VPS37C: variants seen among roughly 807,000 people sequenced by gnomAD.
VPS37C encodes vacuolar protein sorting-associated protein 37C.
Under a neutral mutation model 16.1 loss-of-function variants are expected in VPS37C, and 9 were observed. The observed-to-expected ratio is 0.56, with a 90% CI of 0.34 to 0.97. The LOEUF is 0.97. VPS37C is among the 50% of genes least tolerant of loss of function. The probability of loss-of-function intolerance (pLI) is 0.02; values close to 1 mark genes in which losing one functional copy is unlikely to be tolerated. For synonymous variants in VPS37C, 207 were observed against 206.4 expected (o/e 1.00, Z -0.02); for missense variants, 479 against 472.7 (o/e 1.01, Z -0.12).
intron 1 of VPS37C, among the ~76,000 whole-genome samples, chr11:61,147,381 C>T (rs1447428351): frequency 6.6e-6 from 1 of 152,148 alleles, no homozygotes; most frequent in Non-Finnish European, 1.5e-5. Context: ...CAACTTCTTT[C>T]CATTACTTTA....
chr11:61,138,958 G>A, intron 1 of VPS37C, 123 bp from the exon 2 acceptor site: 1 of 848,618 alleles, frequency 1.2e-6, no homozygotes, highest in Non-Finnish European at 1.9e-6. Flanking sequence ...ACTCCACCGG[G>A]AGGCTCGAGG....
At chr11:61,143,176 T>C (rs922485847) in intron 1 of VPS37C, among the ~76,000 whole-genome samples, 13 of 151,584 alleles carry the variant, frequency 8.6e-5, no homozygotes, top group African/African-American at 3.2e-4. Flanking sequence ...TCTTAGACAG[T>C]GGGCGTCAAT....
chr11:61,131,616 A>G lies in VPS37C; in HGVS notation c.*204T>C. On this transcript the variant is annotated 3_prime_UTR_variant, in exon 5 of 5. Transcript: ENST00000301765. The stretch of plus-strand genomic sequence containing the variant: ...CCAGGCACTGAAAGGAGGGGCTTCC[A>G]GGAGGACCTCTGGCCAGAAGGCCAG... 1.5e-6 allele frequency: 1 copy of G among 680,302 alleles called. No individual in the cohort carries two copies. The highest frequency in any genetic ancestry group is 2.1e-6 in the Non-Finnish European group (1 of 484,706). The allele number at this position is 680,302 out of a possible 1,614,324, so 42.1% of individuals were successfully genotyped here.
chr11:61,158,281 C>A (rs1853409605), intron 1 of VPS37C, among the ~76,000 whole-genome samples: 1 of 152,202 alleles, frequency 6.6e-6, no homozygotes, highest in East Asian at 1.9e-4. Context: ...CAATTACAAT[C>A]AGAAGTGTCA....
intron 1 of VPS37C, among the ~76,000 whole-genome samples, chr11:61,140,696 T>C (rs1197636580): frequency 6.6e-6 from 1 of 152,238 alleles, no homozygotes; most frequent in Non-Finnish European, 1.5e-5. Context: ...GACAGCTCTA[T>C]GCCAGTCCTA....
chr11:61,146,767 C>G (rs1407287781), intron 1 of VPS37C, among the ~76,000 whole-genome samples: 1 of 152,234 alleles, frequency 6.6e-6, no homozygotes, highest in Admixed American at 6.5e-5. Flanking sequence ...CCTGGTTCCT[C>G]ACTACCAGCC....
chr11:61,152,341 C>A (rs1853309935), intron 1 of VPS37C, among the ~76,000 whole-genome samples: 1 of 152,168 alleles, frequency 6.6e-6, no homozygotes, highest in Non-Finnish European at 1.5e-5. Context: ...AGAAACCAAG[C>A]CAGGGCCTTC....
At chr11:61,148,191 G>C (rs1853245783) in intron 1 of VPS37C, among the ~76,000 whole-genome samples, 1 of 152,148 alleles carries the variant, frequency 6.6e-6, no homozygotes. Context: ...ACCAGCTCCA[G>C]CACCTGGGAG....
intron 3 of VPS37C, among the ~76,000 whole-genome samples, chr11:61,133,811 C>T (rs1321769951): frequency 6.6e-6 from 1 of 152,196 alleles, no homozygotes; most frequent in African/African-American, 2.4e-5. Context: ...TGTCTCAATT[C>T]AAATCCCAAT....
chr11:61,142,365 C>T (rs546232946), intron 1 of VPS37C, among the ~76,000 whole-genome samples: 7 of 151,640 alleles, frequency 4.6e-5, no homozygotes, highest in Non-Finnish European at 8.8e-5. Flanking sequence ...CTAAGTAAAC[C>T]GGACTACAGG....
chr11:61,133,714 C>G (rs2134627470), intron 3 of VPS37C, among the ~76,000 whole-genome samples: 1 of 152,304 alleles, frequency 6.6e-6, no homozygotes. Context: ...TCCTGGGACA[C>G]AGAGAGCCCA....
chr11:61,156,692 T>C (rs1050280429), intron 1 of VPS37C, among the ~76,000 whole-genome samples: 1 of 152,240 alleles, frequency 6.6e-6, no homozygotes, highest in African/African-American at 2.4e-5. Flanking sequence ...TTTTAAGAGA[T>C]ATACCGTAAT....
chr11:61,134,466 G>A (rs1009764294), intron 2 of VPS37C, among the ~76,000 whole-genome samples: 7 of 152,318 alleles, frequency 4.6e-5, no homozygotes, highest in South Asian at 2.1e-4. Context: ...TGAAGAGCTC[G>A]CCCAAGGCCA....
At chr11:61,153,021 G>A (rs1302507149) in intron 1 of VPS37C, among the ~76,000 whole-genome samples, 2 of 152,226 alleles carry the variant, frequency 1.3e-5, no homozygotes, top group Non-Finnish European at 2.9e-5. Flanking sequence ...CAGCAAGAGT[G>A]TGAGCTCCCC....
At chr11:61,139,346 C>T (rs913323956) in intron 1 of VPS37C, among the ~76,000 whole-genome samples, 3 of 152,132 alleles carry the variant, frequency 2.0e-5, no homozygotes, top group Admixed American at 6.5e-5. Context: ...ATATTTAGTG[C>T]TCCAGAAACC....
At chr11:61,158,909 A>T (rs1319182479) in intron 1 of VPS37C, among the ~76,000 whole-genome samples, 1 of 152,258 alleles carries the variant, frequency 6.6e-6, no homozygotes, top group South Asian at 2.1e-4. Context: ...CAGTGCTGCC[A>T]TTAGACACCT....
intron 1 of VPS37C, among the ~76,000 whole-genome samples, chr11:61,158,441 A>G (rs1420239628): frequency 2.0e-5 from 3 of 152,384 alleles, no homozygotes; most frequent in African/African-American, 7.2e-5. Context: ...TCAAGTGCTC[A>G]CAGAACATTT....
chr11:61,131,689 C>T lies in VPS37C; in HGVS notation c.*131G>A, dbSNP rs924353748. The stretch of plus-strand genomic sequence containing the variant: ...CGCCCAGTGCCTTGTCCCTCCAAGG[C>T]CTCTGGGTGCCGACGCAAGTCCACA... On this transcript the variant is annotated 3_prime_UTR_variant, in exon 5 of 5. Transcript: ENST00000301765. The T allele has an allele frequency of 1.5e-5, 18 of 1,190,942 alleles. No homozygotes were observed. Among genetic ancestry groups the T allele is most frequent in the Non-Finnish European group, 1.9e-5 (18 of 951,170 alleles). The allele number at this position is 1,190,942 out of a possible 1,614,324, so 73.8% of individuals were successfully genotyped here. A position where few individuals can be genotyped will look rare whatever the true frequency, so the allele number is the denominator to read the frequency against.
chr11:61,158,361 T>C (rs1231132356), intron 1 of VPS37C, among the ~76,000 whole-genome samples: 2 of 152,170 alleles, frequency 1.3e-5, no homozygotes, highest in Non-Finnish European at 2.9e-5. Flanking sequence ...ACTTGAACAT[T>C]ACAAGCCAAC....
Sources: allele counts gnomAD v4.1 joint callset (sites outside exome capture counted in the v4.1 genomes callset), GRCh38; gene constraint gnomAD v4.1.1; transcripts MANE v1.5; gene names NCBI Gene and HGNC (gene_info 2026-07-23, HGNC 2026-07-21).